TRPC6: variants seen among roughly 807,000 people sequenced by gnomAD.
TRPC6 encodes the protein transient receptor potential cation channel subfamily C member 6.
A neutral mutation model predicts 90.7 loss-of-function variants in TRPC6; 55 were observed. The ratio of observed to expected loss-of-function variants is 0.61; its 90% CI spans 0.49 to 0.76. The LOEUF (loss-of-function observed/expected upper bound fraction) is 0.76. Ranked by LOEUF, TRPC6 falls within the 30% of genes least tolerant of loss-of-function variation. The probability of loss-of-function intolerance (pLI) is 0.00; values close to 1 mark genes in which losing one functional copy is unlikely to be tolerated. For missense variants in TRPC6, 989 were observed against 1,122.7 expected (o/e 0.88, Z 1.70); for synonymous variants, 393 against 393.0 (o/e 1.00, Z 0.00).
At chr11:101,497,806 G>A (rs559659239) in intron 2 of TRPC6, among the ~76,000 whole-genome samples, 6 of 151,982 alleles carry the variant, frequency 3.9e-5, no homozygotes, top group African/African-American at 1.4e-4. Flanking sequence ...CTGTCATCTA[G>A]GTTTTAAGCC....
chr11:101,476,270 T>A (rs1232145203), intron 6 of TRPC6, 31 bp downstream of exon 6: 1 of 1,592,096 alleles, frequency 6.3e-7, no homozygotes, highest in African/African-American at 1.3e-5. Context: ...ATTCTGCATT[T>A]TTATTTATAT....
At chr11:101,464,889 A>G (rs1423295520) in intron 10 of TRPC6, among the ~76,000 whole-genome samples, 1 of 152,078 alleles carries the variant, frequency 6.6e-6, no homozygotes, top group Non-Finnish European at 1.5e-5. Flanking sequence ...CATAGTGTCG[A>G]TGGTCTTTAC....
At chr11:101,503,763 A>G (rs1304805766) in intron 2 of TRPC6, among the ~76,000 whole-genome samples, 1 of 152,106 alleles carries the variant, frequency 6.6e-6, no homozygotes, top group Non-Finnish European at 1.5e-5. Flanking sequence ...TCTAGACAGG[A>G]ACTAATAATA....
chr11:101,464,930 C>A (rs183682122), intron 10 of TRPC6, among the ~76,000 whole-genome samples: 5 of 152,082 alleles, frequency 3.3e-5, no homozygotes, highest in Admixed American at 6.6e-5. Context: ...CAGCTTGTAC[C>A]GGTTTTTCCT....
chr11:101,501,483 A>G (rs1037779814), intron 2 of TRPC6, among the ~76,000 whole-genome samples: 2 of 152,246 alleles, frequency 1.3e-5, no homozygotes, highest in Admixed American at 6.5e-5. Context: ...CAGAGACACC[A>G]ACTTCTCTAT....
intron 1 of TRPC6, among the ~76,000 whole-genome samples, chr11:101,546,563 G>C (rs1459715956): frequency 6.6e-6 from 1 of 152,110 alleles, no homozygotes; most frequent in African/African-American, 2.4e-5. Context: ...TAGAAAATTG[G>C]GCAAGCTACT....
chr11:101,485,238 A>G (rs1424594222), intron 4 of TRPC6, among the ~76,000 whole-genome samples: 1 of 151,866 alleles, frequency 6.6e-6, no homozygotes, highest in Non-Finnish European at 1.5e-5. Context: ...AAATATGCTT[A>G]GATAAGATCA....
chr11:101,530,690 G>T (rs1591114716), intron 1 of TRPC6, among the ~76,000 whole-genome samples: 1 of 152,114 alleles, frequency 6.6e-6, no homozygotes, highest in African/African-American at 2.4e-5. Flanking sequence ...AGTCCAGTCT[G>T]CCCAGGGACC....
At chr11:101,531,652 T>C (rs544685160) in intron 1 of TRPC6, among the ~76,000 whole-genome samples, 44 of 152,368 alleles carry the variant, frequency 2.9e-4, no homozygotes, top group African/African-American at 8.9e-4. Flanking sequence ...TTTGAGGCGT[T>C]TTGTATTTAA....
intron 1 of TRPC6, among the ~76,000 whole-genome samples, chr11:101,539,118 C>T (rs1417846579): frequency 6.6e-6 from 1 of 152,224 alleles, no homozygotes; most frequent in Non-Finnish European, 1.5e-5. Context: ...AAAACAAACA[C>T]ATCCACTTTC....
At chr11:101,465,132 T>G (rs773799800) in intron 10 of TRPC6, among the ~76,000 whole-genome samples, 4 of 152,228 alleles carry the variant, frequency 2.6e-5, no homozygotes, top group Non-Finnish European at 4.4e-5. Flanking sequence ...CTCTTCTGGC[T>G]TGTAGGGTTT....
At chr11:101,561,681 T>C (rs945697136) in intron 1 of TRPC6, among the ~76,000 whole-genome samples, 19 of 152,138 alleles carry the variant, frequency 1.2e-4, no homozygotes, top group South Asian at 4.1e-4. Flanking sequence ...TGAGAGGGCA[T>C]GCCAGTATCA....
At chr11:101,514,798 T>C (rs1192709750) in intron 1 of TRPC6, among the ~76,000 whole-genome samples, 1 of 152,224 alleles carries the variant, frequency 6.6e-6, no homozygotes, top group African/African-American at 2.4e-5. Context: ...GTTTGGAGCT[T>C]ATATAATTCA....
rs182680932 is a variant in TRPC6 at position 101,511,730 on chromosome 11, G to A, written c.171-6932C>T. Among the ~76,000 whole-genome samples, 292 of 152,200 alleles carry A rather than the reference G, an allele frequency of 1.9e-3. 1 individual carries two copies. Among genetic ancestry groups the A allele is most frequent in the African/African-American group, 6.7e-3 (277 of 41,480 alleles). On this transcript the variant is annotated intron_variant, in intron 1 of 12. Transcript: ENST00000344327. The stretch of plus-strand genomic sequence containing the variant: ...ACTAGGGCCAGGTGCGGTGGCTCAC[G>A]CCTGTAATCCCAGCACTCTGGGAGG...
intron 10 of TRPC6, among the ~76,000 whole-genome samples, chr11:101,457,720 C>A (rs557219170): frequency 1.1e-4 from 17 of 152,290 alleles, no homozygotes; most frequent in Non-Finnish European, 1.6e-4. Flanking sequence ...ATCATTTCAC[C>A]TCTATATCCT....
At chr11:101,465,648 A>G (rs1488937309) in intron 10 of TRPC6, among the ~76,000 whole-genome samples, 1 of 152,150 alleles carries the variant, frequency 6.6e-6, no homozygotes, top group African/African-American at 2.4e-5. Context: ...CAGGTCATAT[A>G]TGTTCTTCTT....
rs949320781 is a variant in TRPC6 at position 101,572,868 on chromosome 11, G to T, written c.170+10466C>A. 1.1e-4 allele frequency among the ~76,000 whole-genome samples: 16 copies of T among 152,058 alleles called. 1 individual carries two copies. The highest frequency in any genetic ancestry group is 8.5e-4 in the Admixed American group (13 of 15,276). ...CACTGGGGCCTTTCAGGGGGTGAGG[G>T]GCTATGGGACGGATAGCATTAGGAG... On this transcript the variant is annotated intron_variant, in intron 1 of 12. Transcript: ENST00000344327.
At chr11:101,572,736 C>T (rs11224872) in intron 1 of TRPC6, among the ~76,000 whole-genome samples, 57,402 of 151,906 alleles carry the variant, frequency 0.38, 11,530 homozygotes, top group Non-Finnish European at 0.46. Flanking sequence ...GAAACCATCA[C>T]TCTCAGCAAA....
chr11:101,507,050 C>G (rs923004577), intron 1 of TRPC6, among the ~76,000 whole-genome samples: 5 of 133,350 alleles, frequency 3.7e-5, no homozygotes, highest in Non-Finnish European at 6.4e-5. Flanking sequence ...CACACACACA[C>G]AGACCCCCTT....
Sources: allele counts gnomAD v4.1 joint callset (sites outside exome capture counted in the v4.1 genomes callset), GRCh38; gene constraint gnomAD v4.1.1; transcripts MANE v1.5; gene names NCBI Gene and HGNC (gene_info 2026-07-23, HGNC 2026-07-21).